The following PLD1 variants were observed in gnomAD, a reference collection of about 807,000 sequenced individuals.
The protein encoded by PLD1 is phospholipase D1.
PLD1 carries 112 observed loss-of-function variants against 137.1 expected under a neutral mutation model. The ratio of observed to expected loss-of-function variants is 0.82; its 90% CI spans 0.70 to 0.96. PLD1 has a LOEUF of 0.96. Among genes scored for constraint, PLD1 ranks in the 40% least tolerant of loss-of-function variants. The probability of loss-of-function intolerance (pLI) is 0.00; values close to 1 mark genes in which losing one functional copy is unlikely to be tolerated. For synonymous variants in PLD1, 431 were observed against 454.7 expected (o/e 0.95, Z 0.66); for missense variants, 1,321 against 1,342.0 (o/e 0.98, Z 0.24).
intron 9 of PLD1, among the ~76,000 whole-genome samples, chr3:171,710,726 T>C (rs1236423290): frequency 1.3e-5 from 2 of 152,166 alleles, no homozygotes; most frequent in African/African-American, 2.4e-5. Flanking sequence ...TCTGGAAATA[T>C]CATCCCAATT....
chr3:171,727,055 T>C (rs1718572913), intron 6 of PLD1, among the ~76,000 whole-genome samples: 1 of 152,244 alleles, frequency 6.6e-6, no homozygotes, highest in African/African-American at 2.4e-5. Context: ...TTTATGGATA[T>C]AAAATATGAA....
At chr3:171,740,708 A>G (rs1560268341) in intron 1 of PLD1, among the ~76,000 whole-genome samples, 1 of 152,230 alleles carries the variant, frequency 6.6e-6, no homozygotes, top group Non-Finnish European at 1.5e-5. Context: ...AAAGAAGCAT[A>G]TTCACTTATG....
intron 1 of PLD1, among the ~76,000 whole-genome samples, chr3:171,762,721 A>T (rs1486848895): frequency 1.3e-5 from 2 of 152,178 alleles, no homozygotes; most frequent in African/African-American, 4.8e-5. Flanking sequence ...GCATCTCTGG[A>T]TGTCTGAGCA....
rs1045841167 is a variant in PLD1, at chr3:171,634,799, G to A, written c.2593+8041C>T. Among the ~76,000 whole-genome samples, 11 of 151,746 alleles carry A rather than the reference G, an allele frequency of 7.2e-5. No individual in the cohort carries two copies. The East Asian group carries it at 7.7e-4, about 11-fold the overall frequency. On this transcript the variant is annotated intron_variant, in intron 23 of 26. Coordinates refer to ENST00000351298, the MANE Select transcript of PLD1 (RefSeq NM_002662.5). ...ATAAATTTTATACTACAAAATTCTC[G>A]TCTTTAAAGTGTACAAATCAGTATG...
At chr3:171,648,090 C>T (rs1345385261) in intron 21 of PLD1, among the ~76,000 whole-genome samples, 1 of 152,168 alleles carries the variant, frequency 6.6e-6, no homozygotes, top group African/African-American at 2.4e-5. Context: ...ATGGTATGTA[C>T]ATATCACATT....
At chr3:171,746,224 A>T (rs1882254) in intron 1 of PLD1, among the ~76,000 whole-genome samples, 12 of 152,084 alleles carry the variant, frequency 7.9e-5, no homozygotes, top group African/African-American at 2.2e-4. Flanking sequence ...GCTCCACAGC[A>T]CCTGGTACCA....
intron 1 of PLD1, among the ~76,000 whole-genome samples, chr3:171,761,305 C>T (rs1376523798): frequency 6.6e-6 from 1 of 152,122 alleles, no homozygotes; most frequent in Non-Finnish European, 1.5e-5. Flanking sequence ...AGCCATCCAA[C>T]AGTTAAAAGG....
chr3:171,681,081 C>A (rs981681396), intron 16 of PLD1, among the ~76,000 whole-genome samples: 14 of 152,204 alleles, frequency 9.2e-5, no homozygotes, highest in African/African-American at 3.4e-4. Flanking sequence ...CACAAATCAG[C>A]CCTTAACCAC....
At chr3:171,644,156 G>C (rs1736002428) in intron 22 of PLD1, among the ~76,000 whole-genome samples, 1 of 152,166 alleles carries the variant, frequency 6.6e-6, no homozygotes, top group African/African-American at 2.4e-5. Context: ...TGATTAGAAA[G>C]GTGAGAAACT....
At chr3:171,634,393 G>A (rs999950917) in intron 23 of PLD1, among the ~76,000 whole-genome samples, 10 of 152,052 alleles carry the variant, frequency 6.6e-5, no homozygotes, top group African/African-American at 1.7e-4. Context: ...CACTGCCAGC[G>A]CTGAATGATT....
At chr3:171,625,689 T>C (rs910300425) in intron 23 of PLD1, among the ~76,000 whole-genome samples, 3 of 152,046 alleles carry the variant, frequency 2.0e-5, no homozygotes, top group Non-Finnish European at 4.4e-5. Flanking sequence ...GTATTCGCGG[T>C]TCACAAAAAT....
intron 23 of PLD1, among the ~76,000 whole-genome samples, chr3:171,625,719 G>A (rs778519019): frequency 2.0e-5 from 3 of 152,156 alleles, no homozygotes; most frequent in African/African-American, 2.4e-5. Flanking sequence ...TGCAGCCACC[G>A]CTGCTGGTAC....
intron 16 of PLD1, among the ~76,000 whole-genome samples, chr3:171,679,884 A>C (rs1713779902): frequency 6.6e-6 from 1 of 152,206 alleles, no homozygotes; most frequent in Non-Finnish European, 1.5e-5. Context: ...GAGAGGACTT[A>C]TGGCATCAAC....
chr3:171,666,671 A>G (rs558694980), intron 19 of PLD1, among the ~76,000 whole-genome samples: 1 of 152,288 alleles, frequency 6.6e-6, no homozygotes, highest in East Asian at 1.9e-4. Context: ...TTCTGTTTTA[A>G]ACCAATGTAA....
intron 25 of PLD1, among the ~76,000 whole-genome samples, chr3:171,611,289 T>C (rs193291496): frequency 6.6e-6 from 1 of 151,950 alleles, no homozygotes; most frequent in African/African-American, 2.4e-5. Context: ...GGGAAATGAG[T>C]GTCTGCAGGG....
chr3:171,791,476 A>G (rs1251119541), intron 1 of PLD1, among the ~76,000 whole-genome samples: 1 of 152,112 alleles, frequency 6.6e-6, no homozygotes, highest in Non-Finnish European at 1.5e-5. Flanking sequence ...CTCCAGCTCT[A>G]TTGTGTCTCT....
chr3:171,692,479 T>C lies in PLD1; in HGVS notation c.1228-37A>G, dbSNP rs150968764. 112 of 934,032 alleles carry C rather than the reference T, an allele frequency of 1.2e-4. No homozygotes were observed. The East Asian group carries it at 2.5e-3, about 21-fold the overall frequency. 57.9% of individuals were successfully genotyped at this position (934,032 alleles called of 1,614,324 possible). On this transcript the variant is annotated intron_variant, in intron 12 of 26. Transcript: ENST00000351298. ...GAAAACCGATGGAGGAATGAGTATC[T>C]CTGGAGGGAAGTTACAATTCATTTT...
chr3:171,614,760 C>T (rs1478330559), intron 24 of PLD1, among the ~76,000 whole-genome samples: 1 of 152,226 alleles, frequency 6.6e-6, no homozygotes, highest in Non-Finnish European at 1.5e-5. Context: ...CTGGATTGAA[C>T]TGACATCACT....
intron 1 of PLD1, among the ~76,000 whole-genome samples, chr3:171,797,502 G>A (rs538119229): frequency 6.6e-6 from 1 of 152,272 alleles, no homozygotes; most frequent in South Asian, 2.1e-4. Context: ...CCAGCCCTCT[G>A]TGTTCTCCTG....
Sources: gnomAD v4.1 joint callset for allele counts (sites outside exome capture counted in the v4.1 genomes callset) on GRCh38, gnomAD v4.1.1 for gene constraint, MANE v1.5 for transcripts, NCBI Gene and HGNC (gene_info 2026-07-23, HGNC 2026-07-21) for gene names.